Variants in EPHA4 observed in about 807,000 individuals in gnomAD.
EPHA4 encodes the protein EPH receptor A4, also known as ephrin type-A receptor 4.
EPHA4 carries 19 observed loss-of-function variants against 108.3 expected under a neutral mutation model. That is an observed-to-expected ratio of 0.18 (90% CI 0.12 to 0.26). The LOEUF (loss-of-function observed/expected upper bound fraction) is 0.26, where lower values mean the gene tolerates loss of function less well. EPHA4 is among the 10% of genes least tolerant of loss of function. EPHA4 has a pLI of 1.00. For missense variants in EPHA4, 917 were observed against 1,254.0 expected, an observed-to-expected ratio of 0.73 and a Z score of 4.06; for synonymous variants, 449 against 455.5, an observed-to-expected ratio of 0.99 and a Z score of 0.18.
intron 5 of EPHA4, among the ~76,000 whole-genome samples, chr2:221,472,197 C>T (rs1423391097): frequency 6.6e-6 from 1 of 150,908 alleles, no homozygotes; most frequent in Non-Finnish European, 1.5e-5. Context: ...TTAAAAATCC[C>T]TGGCTTGTTT....
intron 13 of EPHA4, among the ~76,000 whole-genome samples, chr2:221,435,492 G>T (rs941043006): frequency 1.3e-5 from 2 of 151,346 alleles, no homozygotes; most frequent in East Asian, 3.9e-4. Flanking sequence ...TCCAAAAAAA[G>T]CTCAGCCAAC....
chr2:221,466,440 T>C (rs998740638), intron 5 of EPHA4, among the ~76,000 whole-genome samples: 1 of 152,186 alleles, frequency 6.6e-6, no homozygotes, highest in Non-Finnish European at 1.5e-5. Context: ...CATCATTTCA[T>C]CCCTATAACT....
chr2:221,443,470 C>T (rs746696541), intron 10 of EPHA4, 23 bp downstream of exon 10: 2 of 1,545,016 alleles, frequency 1.3e-6, no homozygotes, highest in South Asian at 1.1e-5. Flanking sequence ...GACTCATTAG[C>T]AGACGGACAC....
rs755002226 is a variant in EPHA4, at chr2:221,446,098, A to T, written c.1774+25T>A. The T allele has an allele frequency of 6.7e-6, 10 of 1,497,322 alleles. 1 individual carries two copies. In the South Asian group the frequency reaches 1.4e-4, roughly 21 times the overall value. The allele number at this position is 1,497,322 out of a possible 1,614,324, so 92.8% of individuals were successfully genotyped here. On this transcript the variant is annotated intron_variant, in intron 9 of 17. Coordinates refer to ENST00000281821, the MANE Select transcript of EPHA4 (RefSeq NM_004438.5). The stretch of plus-strand genomic sequence containing the variant: ...AACGTGTGACATGCTCTAAAAATAG[A>T]ATTTTTTAATCCAATTTTTTGTACC...
At position 221,482,650 on chromosome 2, in the gene EPHA4, G is replaced by A. The variant is rs147516232; in HGVS notation, c.1020C>T (p.Asn340=). 1.7e-4 allele frequency: 266 copies of A among 1,602,106 alleles called. 1 individual carries two copies. The African/African-American group carries it at 2.7e-3, about 16-fold the overall frequency. ...TCCATTCCAAGTTCACAGATGTCTC[G>A]TTGACATTTGAAATCAAGTTCAGGG... The part of the protein sequence containing the change: ...SAPLNLISNV[N]ETSVNLEWSS... Residue 340 remains asparagine, a synonymous_variant, in exon 5 of 18, where the codon AAC becomes AAT. Coordinates refer to ENST00000281821, the MANE Select transcript of EPHA4 (RefSeq NM_004438.5).
At position 221,425,903 on chromosome 2, in the gene EPHA4, G is replaced by GTTT. The variant is rs566584977; in HGVS notation, c.*122_*124dup. On this transcript the variant is annotated 3_prime_UTR_variant, in exon 17 of 18. Transcript: ENST00000281821. ...TGCACCAAGCAACGCTGCAGATATTGTTTTTTTTTTTCATTTCTTTAATTT... is the reference window on the plus strand; with the variant it reads ...TGCACCAAGCAACGCTGCAGATATTGTTTTTTTTTTTTTTCATTTCTTTAATTT... 8.1e-5 allele frequency: 55 copies of GTTT among 678,034 alleles called. No individual in the cohort carries two copies. Among genetic ancestry groups the GTTT allele is most frequent in the African/African-American group, 6.5e-4 (35 of 53,546 alleles). 42.0% of individuals were successfully genotyped at this position (678,034 alleles called of 1,614,324 possible).
intron 17 of EPHA4, among the ~76,000 whole-genome samples, chr2:221,424,211 C>A (rs1187820005): frequency 6.6e-6 from 1 of 151,392 alleles, no homozygotes; most frequent in Admixed American, 6.6e-5. Flanking sequence ...ACGTGAATAT[C>A]CAGAACTCCT....
chr2:221,541,656 G>T lies in EPHA4; in HGVS notation c.823+22075C>A, dbSNP rs748694574. On this transcript the variant is annotated intron_variant, in intron 3 of 17. Coordinates refer to ENST00000281821, the MANE Select transcript of EPHA4 (RefSeq NM_004438.5). ...AGAAATGCAATCTAAAACAGCAAAT[G>T]AATGCTTTACCCAGCAAGGTAGGTG... Among the ~76,000 whole-genome samples, 38 of 152,288 alleles carry T rather than the reference G, an allele frequency of 2.5e-4. No homozygotes were observed. The Middle Eastern group carries it at 0.027, about 109-fold the overall frequency.
At chr2:221,436,629 G>C in intron 12 of EPHA4, 21 bp from the exon 13 acceptor site, 1 of 1,609,854 alleles carries the variant, frequency 6.2e-7, no homozygotes, top group Non-Finnish European at 8.5e-7. Flanking sequence ...AAGGAGTGAG[G>C]AACAATCTCA....
chr2:221,478,943 T>C (rs1449132025), intron 5 of EPHA4, among the ~76,000 whole-genome samples: 1 of 152,238 alleles, frequency 6.6e-6, no homozygotes, highest in African/African-American at 2.4e-5. Flanking sequence ...CTGTGTCAAC[T>C]GGTTTTCAAC....
chr2:221,451,457 T>C (rs997647905), intron 8 of EPHA4, among the ~76,000 whole-genome samples: 3 of 152,128 alleles, frequency 2.0e-5, no homozygotes, highest in Admixed American at 6.5e-5. Context: ...AAAAACAATA[T>C]AGAAAAGTGG....
chr2:221,442,637 G>C (rs894672229), intron 11 of EPHA4, among the ~76,000 whole-genome samples, 192 bp downstream of exon 11: 20 of 152,146 alleles, frequency 1.3e-4, no homozygotes, highest in African/African-American at 4.8e-4. Context: ...AGCTGCCTTG[G>C]AGATAGGGTA....
rs140229422 is a variant in EPHA4 at position 221,549,096 on chromosome 2, C to T, written c.823+14635G>A. ...GCTCCTTTTAAGAAACACAGGACCT[C>T]CAATCTTTCACTGTTAGGTACCCTG... is the stretch of plus-strand genomic sequence containing the variant. On this transcript the variant is annotated intron_variant, in intron 3 of 17. Coordinates refer to ENST00000281821, the MANE Select transcript of EPHA4 (RefSeq NM_004438.5). Among the ~76,000 whole-genome samples, 3 of 152,232 alleles carry T rather than the reference C, an allele frequency of 2.0e-5. No individual in the cohort carries two copies. In the East Asian group the frequency reaches 5.8e-4, roughly 29 times the overall value.
chr2:221,436,247 A>G (rs1018436366), intron 13 of EPHA4, 152 bp downstream of exon 13: 3 of 697,608 alleles, frequency 4.3e-6, no homozygotes, highest in Admixed American at 5.9e-5. Flanking sequence ...TATTGGAAAC[A>G]TGGTTTAAAA....
At chr2:221,436,655 G>T in intron 12 of EPHA4, 47 bp from the exon 13 acceptor site, 1 of 1,550,490 alleles carries the variant, frequency 6.4e-7, no homozygotes, top group Non-Finnish European at 8.9e-7. Context: ...ATTAGGCCAA[G>T]TTAATTCTCA....
intron 3 of EPHA4, among the ~76,000 whole-genome samples, chr2:221,533,789 G>A (rs1226531507): frequency 2.8e-5 from 4 of 140,848 alleles, no homozygotes; most frequent in Non-Finnish European, 6.1e-5. Context: ...AAAGATCAGA[G>A]AGAGAATCTC....
intron 3 of EPHA4, among the ~76,000 whole-genome samples, chr2:221,549,562 A>G (rs546239317): frequency 3.1e-4 from 47 of 152,280 alleles, no homozygotes; most frequent in African/African-American, 1.1e-3. Context: ...GATATTAAGT[A>G]TTTTCTCAAC....
Position 221,456,781 on chromosome 2 carries a change from T to A in EPHA4, c.1444-9A>T. On this transcript the variant is annotated splice_polypyrimidine_tract_variant and intron_variant, in intron 6 of 17. Transcript: ENST00000281821. ...CTTCGCTCATTCTGATCCTACATCA[T>A]GGCAAGATAAAATTGGGGAAGGTGG... 6.2e-7 allele frequency: 1 copy of A among 1,611,940 alleles called. No homozygotes were observed. The highest frequency in any genetic ancestry group is 8.5e-7 in the Non-Finnish European group (1 of 1,178,312).
chr2:221,570,884 G>A lies in EPHA4; in HGVS notation c.91+1274C>T, dbSNP rs1224569412. 3.3e-5 allele frequency among the ~76,000 whole-genome samples: 5 copies of A among 151,284 alleles called. 1 individual carries two copies. Among genetic ancestry groups the A allele is most frequent in the African/African-American group, 1.2e-4 (5 of 41,240 alleles). ...ATGGACGGACGGACGGATGCACGGA[G>A]AGATGGATGGATGCATGGATGGATA... On this transcript the variant is annotated intron_variant, in intron 1 of 17. Coordinates refer to ENST00000281821, the MANE Select transcript of EPHA4 (RefSeq NM_004438.5).
Sources: gnomAD v4.1 joint callset for allele counts (sites outside exome capture counted in the v4.1 genomes callset) on GRCh38, gnomAD v4.1.1 for gene constraint, MANE v1.5 for transcripts, NCBI Gene and HGNC (gene_info 2026-07-23, HGNC 2026-07-21) for gene names.